The following ZNF407 variants were observed in gnomAD, a reference collection of about 807,000 sequenced individuals.
The protein encoded by ZNF407 is zinc finger protein 407.
A neutral mutation model predicts 131.2 loss-of-function variants in ZNF407; 17 were observed. That is an observed-to-expected ratio of 0.13 (90% CI 0.09 to 0.19). The LOEUF is 0.19. ZNF407 is among the 10% of genes least tolerant of loss of function. The pLI, the probability that ZNF407 is intolerant of heterozygous loss-of-function variation, is 1.00. For missense variants in ZNF407, 2,681 were observed against 2,830.6 expected, an observed-to-expected ratio of 0.95 and a Z score of 1.20; for synonymous variants, 1,156 against 1,062.0, an observed-to-expected ratio of 1.09 and a Z score of -1.72.
chr18:74,882,507 G>A (rs893376366), intron 6 of ZNF407, among the ~76,000 whole-genome samples: 3 of 152,172 alleles, frequency 2.0e-5, no homozygotes, highest in Non-Finnish European at 4.4e-5. Flanking sequence ...TTAGGTACAG[G>A]TAGCTTCTGT....
Position 74,846,642 on chromosome 18 carries a change from G to A in ZNF407, c.4878-30555G>A, listed in dbSNP as rs1012811954. ...GTGAGCCACTGCCTTTTAAGGCATCGAAGTCTTCCTTTAAATATTGAACAC... is the reference window on the plus strand; with the variant it reads ...GTGAGCCACTGCCTTTTAAGGCATCAAAGTCTTCCTTTAAATATTGAACAC... On this transcript the variant is annotated intron_variant, in intron 4 of 8. Transcript: ENST00000299687. Among the ~76,000 whole-genome samples the A allele has an allele frequency of 4.1e-4, 62 of 151,686 alleles. 1 individual carries two copies. The highest frequency in any genetic ancestry group is 1.3e-3 in the African/African-American group (52 of 41,376).
At chr18:74,826,566 A>G (rs1238826540) in intron 4 of ZNF407, among the ~76,000 whole-genome samples, 3 of 152,278 alleles carry the variant, frequency 2.0e-5, no homozygotes, top group South Asian at 2.1e-4. Context: ...TCGTAGGGTC[A>G]GGTAGGGAGA....
At chr18:75,018,924 C>T (rs1568302511) in intron 8 of ZNF407, among the ~76,000 whole-genome samples, 1 of 152,066 alleles carries the variant, frequency 6.6e-6, no homozygotes, top group Non-Finnish European at 1.5e-5. Flanking sequence ...TCTTTAACTG[C>T]TCTCCATTAT....
intron 8 of ZNF407, among the ~76,000 whole-genome samples, chr18:74,952,918 C>T (rs1310124872): frequency 6.6e-6 from 1 of 152,140 alleles, no homozygotes; most frequent in Non-Finnish European, 1.5e-5. Flanking sequence ...CCAACATGGA[C>T]TTGGCAGAGC....
chr18:74,909,433 A>G (rs1172321246), intron 7 of ZNF407, among the ~76,000 whole-genome samples: 1 of 152,170 alleles, frequency 6.6e-6, no homozygotes, highest in Non-Finnish European at 1.5e-5. Flanking sequence ...TCTACCATAG[A>G]GCAACTGAAA....
chr18:74,996,002 C>A (rs1174193154), intron 8 of ZNF407, among the ~76,000 whole-genome samples: 14 of 152,192 alleles, frequency 9.2e-5, no homozygotes, highest in Admixed American at 8.5e-4. Flanking sequence ...AAAGTAAATT[C>A]TTTCAAAATA....
intron 6 of ZNF407, 45 bp from the exon 7 acceptor site, chr18:74,889,873 A>G: frequency 6.5e-7 from 1 of 1,546,828 alleles, no homozygotes; most frequent in African/African-American, 1.4e-5. Context: ...CTTCATTTCC[A>G]GTTGTTATTA....
intron 3 of ZNF407, among the ~76,000 whole-genome samples, chr18:74,764,523 A>T (rs1282178822): frequency 1.3e-5 from 2 of 152,224 alleles, no homozygotes; most frequent in Non-Finnish European, 2.9e-5. Flanking sequence ...CTTGAAAAAT[A>T]CAAAAATAAT....
intron 3 of ZNF407, among the ~76,000 whole-genome samples, chr18:74,646,888 G>T (rs1984997285): frequency 1.3e-5 from 2 of 152,126 alleles, no homozygotes; most frequent in South Asian, 4.1e-4. Context: ...TTATATCCTG[G>T]TTTATTTTTC....
chr18:74,731,371 T>A (rs1463510205), intron 3 of ZNF407, among the ~76,000 whole-genome samples: 2 of 152,216 alleles, frequency 1.3e-5, no homozygotes, highest in Non-Finnish European at 2.9e-5. Context: ...CTGATAATCC[T>A]GTGGGTTGGC....
At chr18:74,829,717 CT>C (rs963353466) in intron 4 of ZNF407, among the ~76,000 whole-genome samples, 2 of 151,568 alleles carry the variant, frequency 1.3e-5, no homozygotes, top group African/African-American at 4.8e-5. Context: ...TTTTTGTTTG[CT>C]TTTTTTATAT....
chr18:74,935,596 C>CT, intron 8 of ZNF407, among the ~76,000 whole-genome samples: 1 of 152,276 alleles, frequency 6.6e-6, no homozygotes, highest in African/African-American at 2.4e-5. Context: ...TACGGGGTGG[C>CT]AATGTGGCCG....
chr18:74,604,617 C>T (rs1982720048), intron 1 of ZNF407, among the ~76,000 whole-genome samples: 2 of 152,168 alleles, frequency 1.3e-5, no homozygotes, highest in Non-Finnish European at 2.9e-5. Flanking sequence ...ATCTCATGCC[C>T]CATAGGGAGC....
intron 6 of ZNF407, 98 bp from the exon 7 acceptor site, chr18:74,889,820 A>G: frequency 9.0e-7 from 1 of 1,107,348 alleles, no homozygotes; most frequent in Non-Finnish European, 1.3e-6. Context: ...TTGACATTTC[A>G]TGGAAATAAA....
intron 3 of ZNF407, among the ~76,000 whole-genome samples, chr18:74,677,259 T>C (rs989551597): frequency 6.6e-5 from 10 of 152,070 alleles, no homozygotes; most frequent in Non-Finnish European, 1.0e-4. Context: ...CCAGGTTAAT[T>C]TCTGTATTTT....
chr18:74,728,920 G>C (rs1968225865), intron 3 of ZNF407, among the ~76,000 whole-genome samples: 1 of 152,160 alleles, frequency 6.6e-6, no homozygotes, highest in Admixed American at 6.5e-5. Context: ...TGGTACGGTT[G>C]TTTTTAAAAA....
At chr18:74,686,247 A>G (rs1450246115) in intron 3 of ZNF407, among the ~76,000 whole-genome samples, 2 of 152,110 alleles carry the variant, frequency 1.3e-5, no homozygotes, top group African/African-American at 4.8e-5. Flanking sequence ...CCCTCCTTCA[A>G]TATGTTTTGT....
chr18:74,697,016 T>A (rs1967375160), intron 3 of ZNF407, among the ~76,000 whole-genome samples: 2 of 152,254 alleles, frequency 1.3e-5, no homozygotes, highest in South Asian at 2.1e-4. Flanking sequence ...TTTTAGAAGG[T>A]CTCCAAATGA....
intron 8 of ZNF407, among the ~76,000 whole-genome samples, chr18:75,023,633 C>A (rs1223716217): frequency 6.6e-6 from 1 of 152,126 alleles, no homozygotes; most frequent in African/African-American, 2.4e-5. Context: ...CTCCTTCATC[C>A]CACAGTGGCA....
Sources: gnomAD v4.1 joint callset for allele counts (sites outside exome capture counted in the v4.1 genomes callset) on GRCh38, gnomAD v4.1.1 for gene constraint, MANE v1.5 for transcripts, NCBI Gene and HGNC (gene_info 2026-07-23, HGNC 2026-07-21) for gene names.